The following VOPP1 variants were observed in gnomAD, a reference collection of about 807,000 sequenced individuals.
VOPP1 encodes the protein WW domain binding protein VOPP1.
A neutral mutation model predicts 23.5 loss-of-function variants in VOPP1; 8 were observed. The observed-to-expected ratio is 0.34, with a 90% CI of 0.20 to 0.61. The LOEUF is 0.61. Among genes scored for constraint, VOPP1 ranks in the 20% least tolerant of loss-of-function variants. The probability of loss-of-function intolerance (pLI) is 0.78; values close to 1 mark genes in which losing one functional copy is unlikely to be tolerated. For synonymous variants in VOPP1, 83 were observed against 97.3 expected, an observed-to-expected ratio of 0.85 and a Z score of 0.86; for missense variants, 174 against 238.1, an observed-to-expected ratio of 0.73 and a Z score of 1.77.
chr7:55,507,764 G>A (rs1028073423), intron 2 of VOPP1, among the ~76,000 whole-genome samples: 1 of 152,132 alleles, frequency 6.6e-6, no homozygotes, highest in East Asian at 1.9e-4. Flanking sequence ...TGACGGGCAG[G>A]GAGGTGCCTG....
intron 4 of VOPP1, among the ~76,000 whole-genome samples, chr7:55,465,138 G>A (rs1791601672): frequency 1.3e-5 from 2 of 152,194 alleles, no homozygotes; most frequent in South Asian, 4.1e-4. Flanking sequence ...CTTGTTATGT[G>A]ATTGTTCAGT....
intron 4 of VOPP1, among the ~76,000 whole-genome samples, chr7:55,455,621 C>T (rs1356368019): frequency 6.6e-6 from 1 of 152,134 alleles, no homozygotes; most frequent in Non-Finnish European, 1.5e-5. Flanking sequence ...ACAAATGGAA[C>T]AGAACAGAGA....
intron 1 of VOPP1, chr7:55,572,006 G>A: frequency 2.5e-6 from 1 of 402,788 alleles, no homozygotes; most frequent in Non-Finnish European, 4.5e-6. Flanking sequence ...GAGGCGGTCG[G>A]CGCGGGAAAC....
chr7:55,497,806 C>A, intron 2 of VOPP1, 116 bp from the exon 3 acceptor site: 7 of 834,044 alleles, frequency 8.4e-6, no homozygotes, highest in Admixed American at 6.4e-5. Context: ...TCAGTAAGAG[C>A]AAAAAGGACA....
At chr7:55,520,178 T>TA (rs1795748030) in intron 2 of VOPP1, among the ~76,000 whole-genome samples, 2 of 152,112 alleles carry the variant, frequency 1.3e-5, no homozygotes, top group Admixed American at 6.5e-5. Context: ...TCTGGCAGAT[T>TA]AAAAAAATAA....
downstream of VOPP1, among the ~76,000 whole-genome samples, chr7:55,435,889 C>T (rs138874676): frequency 3.3e-3 from 499 of 152,366 alleles, 2 homozygotes; most frequent in Admixed American, 0.011. Context: ...ACCACCCTGG[C>T]TCCTGTCCTC....
rs1791786221 is a variant in VOPP1, at chr7:55,471,052, T to C, written c.*1803A>G. ...TGGGTGCCTATTCAGCTGCACCCGA[T>C]TCCAGGGGCAGCTTAGTGTGCTTTT... On this transcript the variant is annotated 3_prime_UTR_variant, in exon 5 of 5. Coordinates refer to ENST00000285279, the MANE Select transcript of VOPP1 (RefSeq NM_030796.5). The C allele has an allele frequency of 6.6e-6, 1 of 151,916 alleles. No individual in the cohort carries two copies. The highest frequency in any genetic ancestry group is 2.4e-5 in the African/African-American group (1 of 41,280). 9.4% of individuals were successfully genotyped at this position (151,916 alleles called of 1,614,324 possible).
At chr7:55,512,898 C>T (rs1298338765) in intron 2 of VOPP1, among the ~76,000 whole-genome samples, 1 of 152,238 alleles carries the variant, frequency 6.6e-6, no homozygotes, top group Non-Finnish European at 1.5e-5. Context: ...CTGACTCTGG[C>T]ACCTGCGCCC....
At position 55,545,583 on chromosome 7, in the gene VOPP1, T is replaced by C. The variant is rs541352596; in HGVS notation, c.55-24453A>G. Among the ~76,000 whole-genome samples, 4 of 152,288 alleles carry C rather than the reference T, an allele frequency of 2.6e-5. No homozygotes were observed. In the East Asian group the frequency reaches 7.7e-4, roughly 29 times the overall value. Reference sequence around the variant, plus strand: ...AGGTATGACTACACTCCAGTATGACTAGAAAAATAACACAGGCGTGACTGC... The same window carrying C: ...AGGTATGACTACACTCCAGTATGACCAGAAAAATAACACAGGCGTGACTGC... On this transcript the variant is annotated intron_variant, in intron 1 of 4. Transcript: ENST00000285279.
At chr7:55,444,378 TACATTC>T (rs750462617) in intron 4 of VOPP1, among the ~76,000 whole-genome samples, 10 of 152,212 alleles carry the variant, frequency 6.6e-5, no homozygotes, top group Non-Finnish European at 1.5e-4. Flanking sequence ...CCCAACCCAG[TACATTC>T]TTCATGTGTG....
At chr7:55,545,008 C>G (rs1304862021) in intron 1 of VOPP1, among the ~76,000 whole-genome samples, 1 of 152,086 alleles carries the variant, frequency 6.6e-6, no homozygotes, top group Non-Finnish European at 1.5e-5. Context: ...ATGTCTAGCA[C>G]TGTTAAATCA....
chr7:55,517,018 C>A (rs1795499240), intron 2 of VOPP1, among the ~76,000 whole-genome samples: 1 of 135,390 alleles, frequency 7.4e-6, no homozygotes, highest in East Asian at 2.3e-4. Flanking sequence ...TGGCTCACTG[C>A]AACCTCTGTC....
intron 2 of VOPP1, chr7:55,516,021 G>A: frequency 1.0e-6 from 1 of 985,472 alleles, no homozygotes; most frequent in Non-Finnish European, 1.2e-6. Context: ...GAGGAAGCGA[G>A]GCCCAAGCAG....
intron 4 of VOPP1, among the ~76,000 whole-genome samples, chr7:55,460,497 T>C (rs535830395): frequency 5.7e-4 from 87 of 152,308 alleles, no homozygotes; most frequent in African/African-American, 1.9e-3. Context: ...TGAGAGCAGA[T>C]TGTTGAAGTC....
chr7:55,553,442 T>C (rs1284459466), intron 1 of VOPP1, among the ~76,000 whole-genome samples: 1 of 152,206 alleles, frequency 6.6e-6, no homozygotes, highest in Non-Finnish European at 1.5e-5. Flanking sequence ...CAAAGGTCAC[T>C]AGGCTTGGCT....
intron 4 of VOPP1, among the ~76,000 whole-genome samples, chr7:55,445,234 CACACACACAG>C (rs1368051442): frequency 1.4e-3 from 204 of 147,968 alleles, no homozygotes; most frequent in African/African-American, 4.5e-3. Flanking sequence ...CACACAGACA[CACACACACAG>C]ACACACACAC....
At chr7:55,531,350 A>AG (rs1796485733) in intron 1 of VOPP1, among the ~76,000 whole-genome samples, 1 of 141,040 alleles carries the variant, frequency 7.1e-6, no homozygotes, top group Non-Finnish European at 1.5e-5. Context: ...CTAATCCAGA[A>AG]TTTTTTTTTT....
intron 2 of VOPP1, among the ~76,000 whole-genome samples, chr7:55,516,669 T>C (rs944438629): frequency 2.6e-5 from 4 of 152,114 alleles, no homozygotes; most frequent in African/African-American, 9.7e-5. Context: ...GTTTGCAACC[T>C]AGATGTTCCC....
At chr7:55,552,932 C>T in intron 1 of VOPP1, 1 of 854,514 alleles carries the variant, frequency 1.2e-6, no homozygotes, top group Admixed American at 3.6e-5. Flanking sequence ...CTGCAAATTG[C>T]TGACAAATGC....
Sources: allele counts gnomAD v4.1 joint callset (sites outside exome capture counted in the v4.1 genomes callset), GRCh38; gene constraint gnomAD v4.1.1; transcripts MANE v1.5; gene names NCBI Gene and HGNC (gene_info 2026-07-23, HGNC 2026-07-21).